Variants in XPC observed in about 807,000 individuals in gnomAD.
The protein encoded by XPC is XPC complex subunit, DNA damage recognition and repair factor, also known as DNA repair protein complementing XP-C cells.
Under a neutral mutation model 95.8 loss-of-function variants are expected in XPC, and 76 were observed. The observed-to-expected ratio is 0.79, with a 90% CI of 0.66 to 0.96. The LOEUF (loss-of-function observed/expected upper bound fraction) is 0.96. XPC is among the 40% of genes least tolerant of loss of function. The pLI, the probability that XPC is intolerant of heterozygous loss-of-function variation, is 0.00. For missense variants in XPC, 1,146 were observed against 1,179.8 expected (o/e 0.97, Z 0.42); for synonymous variants, 442 against 442.1 (o/e 1.00, Z 0.00).
At position 14,168,285 on chromosome 3, in the gene XPC, G is replaced by C; in HGVS notation, c.508C>G (p.Pro170Ala). The C allele has an allele frequency of 6.2e-7, 1 of 1,613,190 alleles. No individual in the cohort carries two copies. Among genetic ancestry groups the C allele is most frequent in the Admixed American group, 1.7e-5 (1 of 59,896 alleles). Residue 170 changes from proline (P) to alanine (A), a missense_variant, in exon 4 of 16, where the codon CCA (proline) becomes GCA (alanine). Pro to Ala is a conservative substitution (Grantham distance 27, BLOSUM62 -1). Coordinates refer to ENST00000285021, the MANE Select transcript of XPC (RefSeq NM_004628.5). ...VKPVEIEIETPEQAKTRERSE... is the reference protein window; with the variant it reads ...VKPVEIEIETAEQAKTRERSE... ...CTTTCTCTTGTCTTCGCCTGCTCTG[G>C]CGTTTCAATCTCTATCTCCACTGGC...
At chr3:14,149,364 C>A (rs529325653) in intron 11 of XPC, 6 of 175,402 alleles carry the variant, frequency 3.4e-5, no homozygotes, top group South Asian at 2.5e-4. Flanking sequence ...GGATTACAGG[C>A]GTGAGCCACC....
At position 14,167,404 on chromosome 3, in the gene XPC, G is replaced by A. The variant is rs993937145; in HGVS notation, c.537-151C>T. 4.7e-6 allele frequency: 3 copies of A among 637,336 alleles called. No homozygotes were observed. The African/African-American group carries it at 5.7e-5, about 12-fold the overall frequency. 39.5% of individuals were successfully genotyped at this position (637,336 alleles called of 1,614,324 possible). ...GCTACTCAAGTCCGTCTGCAAGCCA[G>A]CTATTTCCTGCAGGCTCTTTGGCTC... is the stretch of plus-strand genomic sequence containing the variant. On this transcript the variant is annotated intron_variant, in intron 4 of 15. Transcript: ENST00000285021.
At chr3:14,155,494 CTCTT>C (rs1470482173) in intron 10 of XPC, among the ~76,000 whole-genome samples, 3 of 151,742 alleles carry the variant, frequency 2.0e-5, no homozygotes, top group Non-Finnish European at 4.4e-5. Context: ...TCTTATTCCA[CTCTT>C]TTTTTAGCTA....
chr3:14,157,807 G>A (rs187144390), intron 9 of XPC, among the ~76,000 whole-genome samples: 3 of 152,248 alleles, frequency 2.0e-5, no homozygotes, highest in African/African-American at 4.8e-5. Context: ...CTCAAGCACC[G>A]CGGCAGTTCA....
rs752088918 is a variant in XPC at position 14,167,222 on chromosome 3, GAT to G, written c.566_567del (p.Tyr189SerfsTer10). 1.7e-5 allele frequency: 28 copies of G among 1,611,056 alleles called. No individual in the cohort carries two copies. Among genetic ancestry groups the G allele is most frequent in the South Asian group, 1.1e-5 (1 of 90,514 alleles). On this transcript the variant is annotated frameshift_variant, in exon 5 of 16. Transcript: ENST00000285021. LOFTEE classifies it high-confidence loss of function. ...TTGAAACGTTTCATCGCCCTCCGAAGATATGTCTCAAACTCCAGTTTTATCTT... is the reference window on the plus strand; with the variant it reads ...TTGAAACGTTTCATCGCCCTCCGAAGATGTCTCAAACTCCAGTTTTATCTT... Reference protein sequence around the residue: ...SEKIKLEFETYLRRAMKRFNK... With the variant: ...SEKIKLEFETXLRRAMKRFNK...
chr3:14,156,576 C>T (rs185615248), intron 9 of XPC, 81 bp from the exon 10 acceptor site: 9 of 1,591,186 alleles, frequency 5.7e-6, no homozygotes, highest in Admixed American at 5.2e-5. Context: ...CTTAGACTAA[C>T]TTGTTCTGAC....
chr3:14,178,346 G>A, intron 1 of XPC, 120 bp downstream of exon 1: 2 of 1,191,074 alleles, frequency 1.7e-6, no homozygotes, highest in Non-Finnish European at 1.1e-6. Context: ...CTGCCCCCAC[G>A]GCGCGGAACG....
Position 14,178,447 on chromosome 3 carries a change from C to T in XPC, c.103+19G>A, listed in dbSNP as rs372850771. The T allele has an allele frequency of 2.3e-4, 363 of 1,595,890 alleles. 6 individuals carry two copies. In the South Asian group the frequency reaches 3.7e-3, roughly 16 times the overall value. ...CACCGGCGGCGTCTCCCGCGAAGCCCGCTGGGCCTCGCTCTCACCCTCCTC... is the reference window on the plus strand; with the variant it reads ...CACCGGCGGCGTCTCCCGCGAAGCCTGCTGGGCCTCGCTCTCACCCTCCTC... On this transcript the variant is annotated intron_variant, in intron 1 of 15. Transcript: ENST00000285021.
intron 3 of XPC, among the ~76,000 whole-genome samples, chr3:14,168,936 T>C: frequency 6.6e-6 from 1 of 152,222 alleles, no homozygotes; most frequent in East Asian, 1.9e-4. Flanking sequence ...CTTGCTGAAC[T>C]GGATCTAATT....
rs372943289 is a variant in XPC at position 14,147,333 on chromosome 3, C to T, written c.2561G>A (p.Gly854Asp). Reference sequence around the variant, plus strand: ...CTTCAGCCTCTCCCTGATGAGCAGACCTTTGGCCAGCAACTTCCAGTTCCC... The same window carrying T: ...CTTCAGCCTCTCCCTGATGAGCAGATCTTTGGCCAGCAACTTCCAGTTCCC... ...ALGNWKLLAK[G>D]LLIRERLKRR... The change falls in exon 15 of 16, where the codon GGT (glycine) becomes GAT (aspartate). Residue 854 changes from glycine (G) to aspartate (D), a missense_variant. By Grantham distance (94) the Gly-to-Asp change is moderately conservative. Transcript: ENST00000285021. The T allele has an allele frequency of 3.7e-6, 6 of 1,612,158 alleles. No individual in the cohort carries two copies. In the Middle Eastern group the frequency reaches 6.6e-4, roughly 177 times the overall value.
chr3:14,159,689 T>A, intron 8 of XPC, 52 bp downstream of exon 8: 1 of 1,490,286 alleles, frequency 6.7e-7, no homozygotes, highest in Non-Finnish European at 9.1e-7. Context: ...TTTTTAAGTG[T>A]GACAATTTCC....
At chr3:14,165,083 C>G in intron 6 of XPC, 150 bp from the exon 7 acceptor site, 1 of 1,244,036 alleles carries the variant, frequency 8.0e-7, no homozygotes, top group Non-Finnish European at 1.1e-6. Context: ...CTCCTATCAT[C>G]ACTGCAGACC....
intron 7 of XPC, 181 bp downstream of exon 7, chr3:14,164,632 C>T (rs1383652237): frequency 1.8e-6 from 1 of 569,608 alleles, no homozygotes; most frequent in African/African-American, 2.0e-5. Context: ...CTCAGGCTCA[C>T]CAAGGAAAAG....
At position 14,173,041 on chromosome 3, in the gene XPC, G is replaced by C; in HGVS notation, c.125C>G (p.Pro42Arg). 6.3e-7 allele frequency: 1 copy of C among 1,593,142 alleles called. No homozygotes were observed. Among genetic ancestry groups the C allele is most frequent in the Non-Finnish European group, 8.5e-7 (1 of 1,170,120 alleles). ...EEEDAFEDEK[P>R]PKKSLLSKVS... ...TTTGGAGAGAAGGCTCTTCTTTGGG[G>C]GTTTCTCATCTTCAAAGGCATCTAG... Residue 42 changes from proline (P) to arginine (R), a missense_variant, in exon 2 of 16, where the codon CCC becomes CGC. Coordinates refer to ENST00000285021, the MANE Select transcript of XPC (RefSeq NM_004628.5).
chr3:14,166,522 C>G (rs1391785708), intron 5 of XPC, among the ~76,000 whole-genome samples: 2 of 151,844 alleles, frequency 1.3e-5, no homozygotes, highest in Non-Finnish European at 2.9e-5. Context: ...TCACCCCCAC[C>G]CCCCAACACC....
chr3:14,145,787 C>G lies in XPC; in HGVS notation c.*154G>C. On this transcript the variant is annotated 3_prime_UTR_variant, in exon 16 of 16. Transcript: ENST00000285021. ...CTGCAGCACCTCCTCAGCTTGGCCT[C>G]GTCTCCCCTGACCCCGCCTCCGTGC... is the stretch of plus-strand genomic sequence containing the variant. The G allele has an allele frequency of 2.1e-6, 2 of 931,104 alleles. No homozygotes were observed. The highest frequency in any genetic ancestry group is 1.7e-6 in the Non-Finnish European group (1 of 594,778). The allele number at this position is 931,104 out of a possible 1,614,324, so 57.7% of individuals were successfully genotyped here. A position where few individuals can be genotyped will look rare whatever the true frequency, so the allele number is the denominator to read the frequency against.
intron 10 of XPC, 62 bp from the exon 11 acceptor site, chr3:14,152,478 G>A: frequency 6.7e-7 from 1 of 1,501,896 alleles, no homozygotes. Context: ...GGGAATGCGG[G>A]ACAGTGGAGA....
In XPC at chr3:14,147,202, G is replaced by C. The variant is rs1695474092; in HGVS notation, c.2604+88C>G. ...ACAAAGCTATCCCTGACTTGAGGCT[G>C]GGGCAGAATCTGGGCCAGGCCTTTC... is the stretch of plus-strand genomic sequence containing the variant. On this transcript the variant is annotated intron_variant, in intron 15 of 15. Coordinates refer to ENST00000285021, the MANE Select transcript of XPC (RefSeq NM_004628.5). 6 of 1,358,960 alleles carry C rather than the reference G, an allele frequency of 4.4e-6. No homozygotes were observed. In the South Asian group the frequency reaches 6.5e-5, roughly 15 times the overall value. 84.2% of individuals were successfully genotyped at this position (1,358,960 alleles called of 1,614,324 possible). A position where few individuals can be genotyped will look rare whatever the true frequency, so the allele number is the denominator to read the frequency against.
intron 1 of XPC, among the ~76,000 whole-genome samples, chr3:14,177,793 T>C (rs1181118516): frequency 1.3e-5 from 2 of 150,912 alleles, no homozygotes; most frequent in Non-Finnish European, 2.9e-5. Flanking sequence ...AACTGAAAGG[T>C]GATGATGACT....
Sources: gnomAD v4.1 joint callset for allele counts (sites outside exome capture counted in the v4.1 genomes callset) on GRCh38, gnomAD v4.1.1 for gene constraint, MANE v1.5 for transcripts, NCBI Gene and HGNC (gene_info 2026-07-23, HGNC 2026-07-21) for gene names.